The following PLCE1 variants were observed in gnomAD, a reference collection of about 807,000 sequenced individuals.
PLCE1 encodes phospholipase C epsilon 1, also known as 1-phosphatidylinositol 4,5-bisphosphate phosphodiesterase epsilon-1.
In PLCE1, 119 loss-of-function variants were observed where a neutral mutation model predicts 242.8. That is an observed-to-expected ratio of 0.49 (90% confidence interval 0.42 to 0.57). The LOEUF is 0.57. Among genes scored for constraint, PLCE1 ranks in the 20% least tolerant of loss-of-function variants. The pLI is 0.00. For missense variants in PLCE1, 2,441 were observed against 2,788.8 expected (o/e 0.88, Z 2.81); for synonymous variants, 945 against 1,017.4 (o/e 0.93, Z 1.35).
At chr10:94,250,133 A>G (rs1314599211) in intron 8 of PLCE1, among the ~76,000 whole-genome samples, 1 of 76,906 alleles carries the variant, frequency 1.3e-5, no homozygotes, top group Non-Finnish European at 3.1e-5. Flanking sequence ...CTCTGTCTCA[A>G]AAAAAAAAAA....
At chr10:94,151,858 T>A (rs2047285701) in intron 3 of PLCE1, among the ~76,000 whole-genome samples, 1 of 152,130 alleles carries the variant, frequency 6.6e-6, no homozygotes, top group South Asian at 2.1e-4. Flanking sequence ...AACTCTATGG[T>A]GATTTTAATG....
intron 22 of PLCE1, among the ~76,000 whole-genome samples, chr10:94,286,002 A>C (rs1055935166): frequency 2.0e-5 from 3 of 152,114 alleles, no homozygotes; most frequent in Admixed American, 2.0e-4. Context: ...GGCTGTTTTC[A>C]ATGAGGTACT....
chr10:94,271,991 T>C (rs540620542), intron 18 of PLCE1, among the ~76,000 whole-genome samples: 1 of 152,316 alleles, frequency 6.6e-6, no homozygotes, highest in Non-Finnish European at 1.5e-5. Context: ...AAGGATCACA[T>C]GCTTCTGAGG....
chr10:94,285,038 G>A (rs1379708538), intron 22 of PLCE1, 73 bp downstream of exon 22: 2 of 862,630 alleles, frequency 2.3e-6, no homozygotes, highest in Non-Finnish European at 2.0e-6. Flanking sequence ...ATTTAATTGG[G>A]CATTGTGAAC....
chr10:94,075,516 T>C (rs2044474376), intron 2 of PLCE1, among the ~76,000 whole-genome samples: 1 of 152,240 alleles, frequency 6.6e-6, no homozygotes, highest in Non-Finnish European at 1.5e-5. Context: ...TACTGCTGAC[T>C]TCTACTGACT....
Position 94,032,198 on chromosome 10 carries a change from A to G in PLCE1, c.1152A>G (p.Thr384=). The stretch of plus-strand genomic sequence containing the variant: ...GGAGAGTAATGGAACCCCCGTCAAC[A>G]GTGGAGATAAGGCAAGATGGGAGCC... The part of the protein sequence containing the change: ...PCGRVMEPPS[T]VEIRQDGSQR... The change falls in exon 2 of 33, where the codon ACA becomes ACG. Residue 384 remains threonine (T), a synonymous_variant. Coordinates refer to ENST00000371380, the MANE Select transcript of PLCE1 (RefSeq NM_016341.4). The G allele has an allele frequency of 2.5e-6, 4 of 1,613,126 alleles. No individual in the cohort carries two copies. Among genetic ancestry groups the G allele is most frequent in the Non-Finnish European group, 3.4e-6 (4 of 1,179,590 alleles).
In PLCE1 at chr10:94,035,988, C is replaced by T. The variant is rs114322825; in HGVS notation, c.1206+3736C>T. On this transcript the variant is annotated intron_variant, in intron 2 of 32. Transcript: ENST00000371380. ...TACTCTCCATAATGCAAGCATAATGCCAAGTATACAGAGAATAAGGGCAAT... is the reference window on the plus strand; with the variant it reads ...TACTCTCCATAATGCAAGCATAATGTCAAGTATACAGAGAATAAGGGCAAT... Among the ~76,000 whole-genome samples, 434 of 152,172 alleles carry T rather than the reference C, an allele frequency of 2.9e-3. 3 individuals carry two copies. Among genetic ancestry groups the T allele is most frequent in the African/African-American group, 0.01 (421 of 41,516 alleles).
chr10:94,031,039 A>G lies in PLCE1; in HGVS notation c.-8A>G. 6.2e-7 allele frequency: 1 copy of G among 1,613,506 alleles called. No individual in the cohort carries two copies. Among genetic ancestry groups the G allele is most frequent in the Non-Finnish European group, 8.5e-7 (1 of 1,179,520 alleles). The stretch of plus-strand genomic sequence containing the variant: ...GAGCAATAGTCAAAACCTGTGTGTT[A>G]GTCCAAGATGACTTCTGAAGAAATG... On this transcript the variant is annotated 5_prime_UTR_variant, in exon 2 of 33. Coordinates refer to ENST00000371380, the MANE Select transcript of PLCE1 (RefSeq NM_016341.4).
In PLCE1 at chr10:94,293,543, G is replaced by C. The variant is rs2052709838; in HGVS notation, c.5071G>C (p.Gly1691Arg). Residue 1691 changes from glycine (G) to arginine (R), a missense_variant, in exon 23 of 33, where the codon GGA (glycine) becomes CGA (arginine). Gly to Arg is a moderately radical substitution (Grantham distance 125, BLOSUM62 -2). Transcript: ENST00000371380. ...TCTAAATGCATCTGGCTCTAGCAGA[G>C]GAAAAGAAAGGAAAAGCAGGAAGTC... ...STLNASGSSR[G>R]KERKSRKSIF... is the part of the protein sequence containing the mutation. 1.9e-6 allele frequency: 3 copies of C among 1,613,710 alleles called. No homozygotes were observed. The highest frequency in any genetic ancestry group is 1.7e-6 in the Non-Finnish European group (2 of 1,179,828).
intron 2 of PLCE1, among the ~76,000 whole-genome samples, chr10:94,057,040 A>G (rs1191202429): frequency 6.6e-6 from 1 of 152,192 alleles, no homozygotes; most frequent in Non-Finnish European, 1.5e-5. Context: ...CTTTTTATGT[A>G]TCCATTCATC....
rs1462575065 is a variant in PLCE1, at chr10:94,207,551, GTGTA to G, written c.1810-19753_1810-19750del. On this transcript the variant is annotated intron_variant, in intron 4 of 32. Transcript: ENST00000371380. Reference sequence around the variant, plus strand: ...TGTGTGTGTGTGTGTGTGTGTGTGTGTGTATAGACTTTTTTTTTCAAGCTCTGTC... The same window carrying G: ...TGTGTGTGTGTGTGTGTGTGTGTGTGTAGACTTTTTTTTTCAAGCTCTGTC... Among the ~76,000 whole-genome samples, 8 of 115,282 alleles carry G rather than the reference GTGTA, an allele frequency of 6.9e-5. No individual in the cohort carries two copies. In the East Asian group the frequency reaches 1.0e-3, roughly 14 times the overall value. 75.6% of individuals were successfully genotyped at this position (115,282 alleles called of 152,430 possible).
chr10:94,308,742 T>C, intron 27 of PLCE1, 43 bp downstream of exon 27: 2 of 1,306,600 alleles, frequency 1.5e-6, no homozygotes, highest in South Asian at 2.4e-5. Flanking sequence ...TGGGGATTGC[T>C]ACACTGAAGG....
intron 2 of PLCE1, chr10:94,089,070 T>A: frequency 6.2e-7 from 1 of 1,610,158 alleles, no homozygotes; most frequent in Non-Finnish European, 8.5e-7. Context: ...GAGATTGGGC[T>A]TCATTCAGTG....
At chr10:94,087,891 G>A (rs1209292226) in intron 2 of PLCE1, among the ~76,000 whole-genome samples, 2 of 152,204 alleles carry the variant, frequency 1.3e-5, no homozygotes, top group Non-Finnish European at 2.9e-5. Flanking sequence ...CCTTGCAAGG[G>A]CCTTGCATTT....
chr10:94,012,042 T>G (rs1025542631), intron 1 of PLCE1, among the ~76,000 whole-genome samples: 8 of 152,276 alleles, frequency 5.3e-5, no homozygotes, highest in Admixed American at 5.2e-4. Context: ...TCAGCACTGA[T>G]GTAGCAGGTG....
chr10:94,170,699 C>G (rs899578902), intron 3 of PLCE1, among the ~76,000 whole-genome samples: 50 of 152,178 alleles, frequency 3.3e-4, no homozygotes, highest in African/African-American at 1.2e-3. Context: ...AACCTTTTGT[C>G]CAGAGAGTCC....
chr10:94,023,835 G>T (rs1290572234), intron 1 of PLCE1, among the ~76,000 whole-genome samples: 3 of 152,036 alleles, frequency 2.0e-5, no homozygotes, highest in Non-Finnish European at 4.4e-5. Flanking sequence ...CTGGAGCCTT[G>T]CATTCCAGAC....
intron 14 of PLCE1, among the ~76,000 whole-genome samples, chr10:94,264,127 T>C (rs565140170): frequency 6.6e-6 from 1 of 151,892 alleles, no homozygotes; most frequent in Admixed American, 6.6e-5. Context: ...AATAATGGGG[T>C]AGGGGAAAAA....
At chr10:94,139,642 A>G (rs1384758450) in intron 3 of PLCE1, 3 of 151,814 alleles carry the variant, frequency 2.0e-5, no homozygotes, top group African/African-American at 7.3e-5. Context: ...GACAGAAACC[A>G]GGGTCCTGAG....
Sources: gnomAD v4.1 joint callset for allele counts (sites outside exome capture counted in the v4.1 genomes callset) on GRCh38, gnomAD v4.1.1 for gene constraint, MANE v1.5 for transcripts, NCBI Gene and HGNC (gene_info 2026-07-23, HGNC 2026-07-21) for gene names.